The following YIPF6 variants were observed in gnomAD, a reference collection of about 807,000 sequenced individuals.
YIPF6 encodes protein YIPF6.
YIPF6 carries 3 observed loss-of-function variants against 16.8 expected under a neutral mutation model. That is an observed-to-expected ratio of 0.18 (90% confidence interval 0.08 to 0.46). The LOEUF (loss-of-function observed/expected upper bound fraction) is 0.46. Ranked by LOEUF, YIPF6 falls within the 20% of genes least tolerant of loss-of-function variation. The pLI, the probability that YIPF6 is intolerant of heterozygous loss-of-function variation, is 0.98. For missense variants in YIPF6, 145 were observed against 184.9 expected (o/e 0.78, Z 1.25); for synonymous variants, 67 against 61.9 (o/e 1.08, Z -0.38).
chrX:68,511,665 C>A, intron 1 of YIPF6, 184 bp from the exon 2 acceptor site: 1 of 391,483 alleles, frequency 2.6e-6, no homozygotes, highest in Non-Finnish European at 4.0e-6. Context: ...TATGTTTAAT[C>A]TTTAAAGAAA....
At chrX:68,526,526 AAG>A (rs2079148598) in intron 6 of YIPF6, among the ~76,000 whole-genome samples, 1 of 111,546 alleles carries the variant, frequency 9.0e-6, no homozygotes, top group Admixed American at 9.6e-5. Flanking sequence ...TAGGAGTGGT[AAG>A]AGAGGGTATC....
At chrX:68,522,318 G>A (rs1204925822) in intron 5 of YIPF6, among the ~76,000 whole-genome samples, 1 of 96,109 alleles carries the variant, frequency 1.0e-5, no homozygotes, top group South Asian at 4.4e-4. Flanking sequence ...TTTTTTTTTT[G>A]AGATGGAGTC....
chrX:68,527,367 CTTCT>C (rs1218846927), intron 6 of YIPF6, among the ~76,000 whole-genome samples: 1 of 111,082 alleles, frequency 9.0e-6, no homozygotes, highest in African/African-American at 3.3e-5. Context: ...TCTCTCTTTT[CTTCT>C]TTATTAGTCT....
In YIPF6 at chrX:68,527,850, C is replaced by A. The variant is rs761461033; in HGVS notation, c.593-4031C>A. ...GATCTGAGAGACTATGATTTCCATT[C>A]TTTTGCATTCTGTTGTTATGATTTC... On this transcript the variant is annotated intron_variant, in intron 6 of 6. Coordinates refer to ENST00000462683, the MANE Select transcript of YIPF6 (RefSeq NM_173834.4). Among the ~76,000 whole-genome samples, 4 of 111,659 alleles carry A rather than the reference C, an allele frequency of 3.6e-5. No individual in the cohort carries two copies. In the South Asian group the frequency reaches 1.5e-3, roughly 42 times the overall value.
At chrX:68,509,421 A>G (rs1417291474) in intron 1 of YIPF6, among the ~76,000 whole-genome samples, 3 of 111,171 alleles carry the variant, frequency 2.7e-5, no homozygotes, top group Admixed American at 9.6e-5. Flanking sequence ...CCCAGCCCCA[A>G]TGTTTTTATT....
intron 6 of YIPF6, among the ~76,000 whole-genome samples, chrX:68,527,136 T>C (rs2079151795): frequency 1.8e-5 from 2 of 112,070 alleles, no homozygotes; most frequent in Non-Finnish European, 3.8e-5. Flanking sequence ...TATTAATTAC[T>C]GCTTCAATTT....
chrX:68,521,919 A>C (rs1369807397), intron 5 of YIPF6, among the ~76,000 whole-genome samples: 1 of 110,911 alleles, frequency 9.0e-6, no homozygotes, highest in Non-Finnish European at 1.9e-5. Flanking sequence ...AAGAAAAATC[A>C]AACTAAATAA....
At chrX:68,518,127 C>T (rs1309736960) in intron 3 of YIPF6, among the ~76,000 whole-genome samples, 5 of 109,838 alleles carry the variant, frequency 4.6e-5, no homozygotes, top group African/African-American at 1.7e-4. Flanking sequence ...CAAAAATTAG[C>T]CAAGTATGAT....
chrX:68,518,881 G>A, intron 4 of YIPF6, 69 bp downstream of exon 4: 3 of 1,018,482 alleles, frequency 2.9e-6, no homozygotes, highest in Non-Finnish European at 3.9e-6. Flanking sequence ...TTCCAAAATT[G>A]TGGGGGATTT....
chrX:68,511,750 T>C, intron 1 of YIPF6, 99 bp from the exon 2 acceptor site: 8 of 1,023,464 alleles, frequency 7.8e-6, no homozygotes, highest in Non-Finnish European at 7.7e-6. Context: ...TGTAAAACCC[T>C]ACAAAATACA....
rs1418969250 is a variant in YIPF6, at chrX:68,522,788, G to A, written c.463G>A (p.Gly155Ser). The A allele has an allele frequency of 1.7e-6, 2 of 1,207,096 alleles. No homozygotes were observed. The change falls in exon 6 of 7, where the codon GGT becomes AGT. Residue 155 changes from glycine to serine, a missense_variant. Gly to Ser is a moderately conservative substitution (Grantham distance 56). Coordinates refer to ENST00000462683, the MANE Select transcript of YIPF6 (RefSeq NM_173834.4). ...ISFFQSLCVL[G>S]YCILPLTVAM... is the part of the protein sequence containing the mutation. ...TTTTTTTCAGAGCCTCTGTGTGCTG[G>A]GTTACTGTATACTTCCCTTGACAGT...
chrX:68,519,889 C>T (rs766591728), intron 4 of YIPF6, among the ~76,000 whole-genome samples: 20 of 111,781 alleles, frequency 1.8e-4, no homozygotes, highest in Non-Finnish European at 3.6e-4. Flanking sequence ...TATTAGATGT[C>T]CCGAGCATAT....
At chrX:68,523,001 C>T in intron 6 of YIPF6, 84 bp downstream of exon 6, 1 of 1,092,833 alleles carries the variant, frequency 9.2e-7, no homozygotes, top group Non-Finnish European at 1.2e-6. Context: ...CAGTATAAGT[C>T]CAAAGTTAGA....
At chrX:68,510,402 T>G (rs1041141772) in intron 1 of YIPF6, among the ~76,000 whole-genome samples, 15 of 110,403 alleles carry the variant, frequency 1.4e-4, no homozygotes, top group Admixed American at 4.9e-4. Context: ...GTCATTTATA[T>G]GGACAACATA....
chrX:68,531,797 C>A, intron 6 of YIPF6, 84 bp from the exon 7 acceptor site: 1 of 648,785 alleles, frequency 1.5e-6, no homozygotes, highest in Non-Finnish European at 2.4e-6. Context: ...TGATGCCAAG[C>A]TCATGAATGT....
intron 1 of YIPF6, among the ~76,000 whole-genome samples, chrX:68,507,982 T>C (rs1253092579): frequency 1.8e-5 from 2 of 111,649 alleles, no homozygotes. Context: ...CTCTTTATCT[T>C]TGGTTTTCAA....
At chrX:68,525,204 A>T (rs181568262) in intron 6 of YIPF6, among the ~76,000 whole-genome samples, 23 of 112,161 alleles carry the variant, frequency 2.1e-4, no homozygotes, top group Non-Finnish European at 2.1e-4. Context: ...ATGGTATCTC[A>T]TTGTGGTTTT....
chrX:68,512,341 A>T (rs1207967285), intron 2 of YIPF6, among the ~76,000 whole-genome samples: 1 of 109,628 alleles, frequency 9.1e-6, no homozygotes, highest in Admixed American at 9.9e-5. Flanking sequence ...TATGCCTGAA[A>T]TCCCAGCTGC....
chrX:68,501,072 C>T (rs929989329), intron 1 of YIPF6, among the ~76,000 whole-genome samples: 3 of 111,887 alleles, frequency 2.7e-5, no homozygotes, highest in South Asian at 3.7e-4. Flanking sequence ...ATATGCAATC[C>T]GCTTCCATTC....
Sources: allele counts gnomAD v4.1 joint callset (sites outside exome capture counted in the v4.1 genomes callset), GRCh38; gene constraint gnomAD v4.1.1; transcripts MANE v1.5; gene names NCBI Gene and HGNC (gene_info 2026-07-23, HGNC 2026-07-21).